Variants in CHST9 observed in about 807,000 individuals in gnomAD.
CHST9 encodes GalNAc-4-sulfotransferase 2.
CHST9 carries 41 observed loss-of-function variants against 44.4 expected under a neutral mutation model. The ratio of observed to expected loss-of-function variants is 0.92; its 90% CI spans 0.72 to 1.20. CHST9 has a LOEUF of 1.20. Ranked by LOEUF, CHST9 falls within the 50% of genes most tolerant of loss-of-function variation. The pLI is 0.00. For synonymous variants in CHST9, 171 were observed against 178.4 expected (o/e 0.96, Z 0.33); for missense variants, 504 against 516.5 (o/e 0.98, Z 0.23).
At chr18:27,105,947 C>T (rs1210692514) in intron 2 of CHST9, among the ~76,000 whole-genome samples, 2 of 152,114 alleles carry the variant, frequency 1.3e-5, no homozygotes, top group Non-Finnish European at 2.9e-5. Flanking sequence ...TACAAGTTAT[C>T]AAATACATTT....
chr18:26,917,486 A>G (rs558252747), intron 5 of CHST9, 136 bp from the exon 6 acceptor site: 1 of 992,536 alleles, frequency 1.0e-6, no homozygotes, highest in African/African-American at 1.6e-5. Flanking sequence ...ACAATTTAGC[A>G]AGGCATGCTG....
intron 2 of CHST9, among the ~76,000 whole-genome samples, chr18:27,074,641 G>T (rs1324386178): frequency 6.6e-6 from 1 of 152,000 alleles, no homozygotes; most frequent in East Asian, 1.9e-4. Context: ...GCCTGTCTAG[G>T]GTTGCGGGGG....
chr18:26,952,503 A>G, intron 4 of CHST9: 1 of 460,442 alleles, frequency 2.2e-6, no homozygotes, highest in Non-Finnish European at 4.2e-6. Flanking sequence ...ACCCTGGAGG[A>G]CCAGTCCATC....
intron 2 of CHST9, among the ~76,000 whole-genome samples, chr18:27,085,094 C>T (rs148203166): frequency 6.2e-4 from 94 of 152,124 alleles, no homozygotes; most frequent in South Asian, 1.7e-3. Flanking sequence ...ATGCCATGTG[C>T]AGACGAGAAG....
At chr18:27,129,104 A>G (rs1280019407) in intron 2 of CHST9, among the ~76,000 whole-genome samples, 2 of 151,096 alleles carry the variant, frequency 1.3e-5, no homozygotes, top group East Asian at 3.9e-4. Flanking sequence ...AAAGTGAATT[A>G]ATTTTGTCTG....
intron 3 of CHST9, among the ~76,000 whole-genome samples, chr18:27,026,348 C>G (rs1278950366): frequency 6.6e-6 from 1 of 152,088 alleles, no homozygotes; most frequent in Non-Finnish European, 1.5e-5. Context: ...CAGTCTGGTT[C>G]CTCTTTTTAA....
At chr18:27,130,957 A>C (rs2143835056) in intron 2 of CHST9, among the ~76,000 whole-genome samples, 1 of 152,284 alleles carries the variant, frequency 6.6e-6, no homozygotes, top group East Asian at 1.9e-4. Context: ...ATAAACATCA[A>C]ATTTAGGATG....
intron 4 of CHST9, among the ~76,000 whole-genome samples, chr18:26,996,155 C>T (rs1305899924): frequency 6.6e-6 from 1 of 152,216 alleles, no homozygotes; most frequent in African/African-American, 2.4e-5. Flanking sequence ...TGTGGGCAGG[C>T]CTGGGTGATA....
At chr18:27,131,979 T>C (rs2058475727) in intron 2 of CHST9, among the ~76,000 whole-genome samples, 1 of 152,196 alleles carries the variant, frequency 6.6e-6, no homozygotes, top group African/African-American at 2.4e-5. Flanking sequence ...ACCTTTCATG[T>C]ATTAATTTAT....
intron 1 of CHST9, among the ~76,000 whole-genome samples, chr18:27,149,080 C>T (rs1377765885): frequency 7.8e-6 from 1 of 128,908 alleles, no homozygotes; most frequent in Non-Finnish European, 1.7e-5. Context: ...CTGTTCATAT[C>T]CTTCACCCAC....
At chr18:27,023,868 T>C (rs2057252990) in intron 4 of CHST9, among the ~76,000 whole-genome samples, 1 of 152,308 alleles carries the variant, frequency 6.6e-6, no homozygotes, top group Middle Eastern at 3.4e-3. Context: ...CTGAAATCAG[T>C]CTTCAGAGCC....
chr18:26,984,426 T>C (rs989670221), intron 4 of CHST9, among the ~76,000 whole-genome samples: 1 of 152,216 alleles, frequency 6.6e-6, no homozygotes, highest in Non-Finnish European at 1.5e-5. Context: ...GAAGAAAACA[T>C]AGGGTAATAT....
Position 26,916,382 on chromosome 18 carries a change from T to C in CHST9, c.1209A>G (p.Glu403=), listed in dbSNP as rs981975493. Residue 403 remains glutamate (E), a synonymous_variant, in exon 6 of 6, where the codon GAA becomes GAG. Transcript: ENST00000618847. ...GTCTCACGACTTGAGCATTGGTTCT[T>C]TCATCGGAAGAGTGCCTATCCTTAA... ...PNFKDRHSSD[E]RTNAQVVRQY... The C allele has an allele frequency of 4.3e-6, 7 of 1,613,714 alleles. No individual in the cohort carries two copies. In the African/African-American group the frequency reaches 5.3e-5, roughly 12 times the overall value.
intron 4 of CHST9, among the ~76,000 whole-genome samples, chr18:26,996,857 T>G (rs369913404): frequency 7.2e-4 from 109 of 152,358 alleles, no homozygotes; most frequent in African/African-American, 2.6e-3. Flanking sequence ...TTAATTTGAC[T>G]CTATGCTGCT....
intron 2 of CHST9, among the ~76,000 whole-genome samples, chr18:27,098,191 A>G (rs554713246): frequency 3.6e-4 from 55 of 152,166 alleles, no homozygotes; most frequent in Middle Eastern, 3.4e-3. Flanking sequence ...ATGTGGCGAA[A>G]AAACATTAAA....
chr18:27,026,848 TGAAAAA>T (rs150213209), intron 3 of CHST9, among the ~76,000 whole-genome samples: 231 of 152,308 alleles, frequency 1.5e-3, no homozygotes, highest in African/African-American at 5.1e-3. Flanking sequence ...TTTAGAAGAT[TGAAAAA>T]GAATTAAGAC....
chr18:27,084,767 A>G (rs2057994787), intron 2 of CHST9, among the ~76,000 whole-genome samples: 1 of 151,830 alleles, frequency 6.6e-6, no homozygotes, highest in African/African-American at 2.4e-5. Context: ...AGACCTTTCT[A>G]ACTTTTTGAT....
At chr18:26,920,718 A>T (rs747402443) in intron 5 of CHST9, among the ~76,000 whole-genome samples, 2 of 152,258 alleles carry the variant, frequency 1.3e-5, no homozygotes, top group Non-Finnish European at 2.9e-5. Context: ...AGGTCAAGTT[A>T]AACTTGAATA....
intron 2 of CHST9, among the ~76,000 whole-genome samples, chr18:27,061,712 G>T (rs764962036): frequency 5.3e-5 from 8 of 152,010 alleles, no homozygotes; most frequent in African/African-American, 9.7e-5. Flanking sequence ...CCCAGTGCAC[G>T]TGCATGAGGC....
Sources: allele counts gnomAD v4.1 joint callset (sites outside exome capture counted in the v4.1 genomes callset), GRCh38; gene constraint gnomAD v4.1.1; transcripts MANE v1.5; gene names NCBI Gene and HGNC (gene_info 2026-07-23, HGNC 2026-07-21).